The following KDM3B variants were observed in gnomAD, a reference collection of about 807,000 sequenced individuals.
The protein encoded by KDM3B is lysine demethylase 3B.
In KDM3B, 10 loss-of-function variants were observed where a neutral mutation model predicts 170.0. That is an observed-to-expected ratio of 0.06 (90% CI 0.04 to 0.10). The LOEUF is 0.10. Among genes scored for constraint, KDM3B ranks in the 10% least tolerant of loss-of-function variants. KDM3B has a pLI of 1.00. For missense variants in KDM3B, 1,394 were observed against 2,195.2 expected, an observed-to-expected ratio of 0.64 and a Z score of 7.29; for synonymous variants, 831 against 834.8, an observed-to-expected ratio of 1.00 and a Z score of 0.08.
intron 11 of KDM3B, among the ~76,000 whole-genome samples, chr5:138,407,078 C>T (rs1762843094): frequency 6.6e-6 from 1 of 151,272 alleles, no homozygotes; most frequent in Non-Finnish European, 1.5e-5. Context: ...CTCCATCTCC[C>T]GGGTTCAAGC....
chr5:138,411,016 G>A (rs1762954176), intron 11 of KDM3B, among the ~76,000 whole-genome samples: 1 of 152,212 alleles, frequency 6.6e-6, no homozygotes, highest in Non-Finnish European at 1.5e-5. Flanking sequence ...AAGCCTGACT[G>A]ATGTCAGGCC....
chr5:138,352,693 G>A lies in KDM3B; in HGVS notation c.-103G>A. The A allele has an allele frequency of 1.1e-6, 1 of 940,116 alleles. No homozygotes were observed. Among genetic ancestry groups the A allele is most frequent in the Non-Finnish European group, 1.3e-6 (1 of 745,118 alleles). The allele number at this position is 940,116 out of a possible 1,614,324, so 58.2% of individuals were successfully genotyped here. ...TTGGGGGGGGTGGGGGGGAACGGCG[G>A]CCGCGGGTGGTGCGGAGGGAGGCCT... On this transcript the variant is annotated 5_prime_UTR_variant, in exon 1 of 24. Transcript: ENST00000314358.
rs1156924647 is a variant in KDM3B at position 138,391,900 on chromosome 5, G to A, written c.2268G>A (p.Gln756=). The part of the protein sequence containing the change: ...TEERPTVGPG[Q]QDNPLLKTFS... ...AGAGGCCAACTGTGGGGCCTGGGCAGCAGGACAATCCCCTCCTCAAAACCT... is the reference window on the plus strand; with the variant it reads ...AGAGGCCAACTGTGGGGCCTGGGCAACAGGACAATCCCCTCCTCAAAACCT... The change falls in exon 8 of 24, where the codon CAG becomes CAA. Residue 756 remains glutamine, a synonymous_variant. Coordinates refer to ENST00000314358, the MANE Select transcript of KDM3B (RefSeq NM_016604.4). The surrounding 1 kb of genome is among the most constrained non-coding windows in gnomAD (Gnocchi z 5.0). 5 of 1,613,796 alleles carry A rather than the reference G, an allele frequency of 3.1e-6. No individual in the cohort carries two copies. Among genetic ancestry groups the A allele is most frequent in the Admixed American group, 1.7e-5 (1 of 59,990 alleles).
At chr5:138,423,650 A>C (rs1406182519) in intron 15 of KDM3B, among the ~76,000 whole-genome samples, 2 of 152,180 alleles carry the variant, frequency 1.3e-5, no homozygotes, top group East Asian at 3.8e-4. Context: ...AAGTCACTTC[A>C]GTTACTTAAT....
At chr5:138,434,645 G>A (rs1380705430) in intron 23 of KDM3B, among the ~76,000 whole-genome samples, 3 of 151,546 alleles carry the variant, frequency 2.0e-5, no homozygotes, top group East Asian at 1.9e-4. Context: ...TATTTTTCCT[G>A]TAGTATTTTC....
At chr5:138,396,412 T>C (rs1477353100) in intron 9 of KDM3B, among the ~76,000 whole-genome samples, 2 of 152,006 alleles carry the variant, frequency 1.3e-5, no homozygotes, top group South Asian at 2.1e-4. Context: ...GACAACTCTT[T>C]AGAGGAACTT....
At chr5:138,383,982 C>A (rs1762190377) in intron 6 of KDM3B, among the ~76,000 whole-genome samples, 2 of 150,794 alleles carry the variant, frequency 1.3e-5, no homozygotes, top group Non-Finnish European at 2.9e-5. Flanking sequence ...CAAGGCCAGG[C>A]GCGGTGGCTC....
At chr5:138,403,916 G>A (rs1246208851) in intron 11 of KDM3B, among the ~76,000 whole-genome samples, 1 of 150,992 alleles carries the variant, frequency 6.6e-6, no homozygotes, top group Admixed American at 6.6e-5. Flanking sequence ...ATGTGATGAG[G>A]AGAGAAAAAG....
intron 1 of KDM3B, among the ~76,000 whole-genome samples, chr5:138,371,517 T>C (rs2126921287): frequency 1.3e-5 from 2 of 152,220 alleles, no homozygotes; most frequent in East Asian, 3.9e-4. Flanking sequence ...TAGCTTCATT[T>C]AATGTAATCT....
In KDM3B at chr5:138,367,150, A is replaced by G. The variant is rs180876874; in HGVS notation, c.193-5524A>G. 2.2e-4 allele frequency among the ~76,000 whole-genome samples: 33 copies of G among 152,344 alleles called. 1 individual carries two copies. Among genetic ancestry groups the G allele is most frequent in the Admixed American group, 1.6e-3 (25 of 15,296 alleles). ...TGACTTGTCTAATCTAACATAGCCT[A>G]TTCAGATCTTTATTATTACCCTGAT... is the stretch of plus-strand genomic sequence containing the variant. On this transcript the variant is annotated intron_variant, in intron 1 of 23. Coordinates refer to ENST00000314358, the MANE Select transcript of KDM3B (RefSeq NM_016604.4).
intron 1 of KDM3B, among the ~76,000 whole-genome samples, chr5:138,362,968 T>C (rs1020297382): frequency 6.6e-6 from 1 of 151,530 alleles, no homozygotes; most frequent in Non-Finnish European, 1.5e-5. Context: ...TATAGAAATA[T>C]AAGAAAACTT....
chr5:138,353,864 AAT>A (rs1217993623), intron 1 of KDM3B, among the ~76,000 whole-genome samples: 1 of 152,152 alleles, frequency 6.6e-6, no homozygotes, highest in Non-Finnish European at 1.5e-5. Flanking sequence ...GTGGCGGTAA[AAT>A]ATAGTGTTTG....
rs555195358 is a variant in KDM3B, at chr5:138,374,020, G to A, written c.361-1073G>A. Among the ~76,000 whole-genome samples the A allele has an allele frequency of 4.5e-4, 69 of 152,054 alleles. 1 individual carries two copies. The South Asian group carries it at 5.8e-3, about 13-fold the overall frequency. ...TTTTTTGTTTTTTTCTTGAGACAAAGTCTCACCCTGTCACCCAGGCTGGAG... is the reference window on the plus strand; with the variant it reads ...TTTTTTGTTTTTTTCTTGAGACAAAATCTCACCCTGTCACCCAGGCTGGAG... On this transcript the variant is annotated intron_variant, in intron 2 of 23. Coordinates refer to ENST00000314358, the MANE Select transcript of KDM3B (RefSeq NM_016604.4).
At position 138,424,323 on chromosome 5, in the gene KDM3B, G is replaced by A. The variant is rs368005425; in HGVS notation, c.4221G>A (p.Glu1407=). 1.2e-6 allele frequency: 2 copies of A among 1,613,918 alleles called. No homozygotes were observed. The highest frequency in any genetic ancestry group is 2.7e-5 in the African/African-American group (2 of 74,918). ...SNKNNWKIFR[E]CWKQGQPVLV... ...AAAACAATTGGAAGATCTTCCGGGA[G>A]TGTTGGAAGCAAGGTCAGGTAAGCA... The change falls in exon 16 of 24, where the codon GAG becomes GAA. Residue 1407 remains glutamate, a synonymous_variant. Transcript: ENST00000314358.
At chr5:138,409,554 C>T (rs991072977) in intron 11 of KDM3B, among the ~76,000 whole-genome samples, 1 of 152,098 alleles carries the variant, frequency 6.6e-6, no homozygotes, top group African/African-American at 2.4e-5. Flanking sequence ...CTGAAGACTA[C>T]AACATATTAC....
intron 5 of KDM3B, 123 bp from the exon 6 acceptor site, chr5:138,381,393 C>T (rs1762121341): frequency 1.5e-6 from 1 of 651,236 alleles, no homozygotes. Context: ...TCTCTGCTCT[C>T]ATGGAGCTTT....
At position 138,391,179 on chromosome 5, in the gene KDM3B, A is replaced by G. The variant is rs1762416872; in HGVS notation, c.1547A>G (p.Gln516Arg). The G allele has an allele frequency of 6.2e-7, 1 of 1,614,138 alleles. No homozygotes were observed. The highest frequency in any genetic ancestry group is 2.2e-5 in the East Asian group (1 of 44,888). ...SFGCSSAQEA[Q>R]KDTDLSKNLF... ...GGCTGTAGCTCTGCACAAGAGGCAC[A>G]GAAAGACACTGATCTCTCCAAAAAC... The change falls in exon 8 of 24, where the codon CAG becomes CGG. Residue 516 changes from glutamine (Q) to arginine (R), a missense_variant. Coordinates refer to ENST00000314358, the MANE Select transcript of KDM3B (RefSeq NM_016604.4). The surrounding 1 kb of genome is among the most constrained non-coding windows in gnomAD (Gnocchi z 5.0).
chr5:138,431,596 C>T, intron 23 of KDM3B, 37 bp downstream of exon 23: 1 of 1,548,974 alleles, frequency 6.5e-7, no homozygotes, highest in Non-Finnish European at 8.7e-7. Flanking sequence ...TCTGTCTTCT[C>T]ATTGCATACT....
chr5:138,376,257 C>T (rs1390473548), intron 3 of KDM3B, among the ~76,000 whole-genome samples: 3 of 152,168 alleles, frequency 2.0e-5, no homozygotes, highest in Middle Eastern at 6.8e-3. Flanking sequence ...GGATTACAGG[C>T]GTGAGCCACC....
Sources: gnomAD v4.1 joint callset for allele counts (sites outside exome capture counted in the v4.1 genomes callset) on GRCh38, gnomAD v4.1.1 for gene constraint, Gnocchi (gnomAD v3.1) non-coding constraint, MANE v1.5 for transcripts, NCBI Gene and HGNC (gene_info 2026-07-23, HGNC 2026-07-21) for gene names.